The following KCNT1 variants were observed in gnomAD, a reference collection of about 807,000 sequenced individuals.
The protein encoded by KCNT1 is potassium channel subfamily T member 1.
In KCNT1, 78 loss-of-function variants were observed where a neutral mutation model predicts 147.8. The observed-to-expected ratio is 0.53, with a 90% CI of 0.44 to 0.64. KCNT1 has a LOEUF of 0.64. Ranked by LOEUF, KCNT1 falls within the 30% of genes least tolerant of loss-of-function variation. The probability of loss-of-function intolerance (pLI) is 0.00; values close to 1 mark genes in which losing one functional copy is unlikely to be tolerated. For missense variants in KCNT1, 1,419 were observed against 1,750.3 expected, an observed-to-expected ratio of 0.81 and a Z score of 3.38; for synonymous variants, 867 against 748.8, an observed-to-expected ratio of 1.16 and a Z score of -2.58.
At chr9:135,784,497 CCCTCCCT>C in intron 25 of KCNT1, 31 bp from the exon 26 acceptor site, 1 of 374,276 alleles carries the variant, frequency 2.7e-6, no homozygotes, top group Non-Finnish European at 4.9e-6. Flanking sequence ...CTCCCTCCCT[CCCTCCCT>C]CCCTCCCTCC....
chr9:135,762,490 G>A (rs1831983802), intron 11 of KCNT1, among the ~76,000 whole-genome samples: 1 of 152,192 alleles, frequency 6.6e-6, no homozygotes, highest in East Asian at 1.9e-4. Context: ...GGTCCTGCCT[G>A]TAATCCCAGC....
intron 11 of KCNT1, 149 bp downstream of exon 11, chr9:135,760,008 T>A (rs1219524844): frequency 2.9e-6 from 2 of 688,548 alleles, no homozygotes; most frequent in African/African-American, 3.7e-5. Context: ...CCTGCTCCGT[T>A]GCACGCCCCC....
intron 1 of KCNT1, among the ~76,000 whole-genome samples, chr9:135,707,114 T>C (rs556287791): frequency 2.2e-3 from 325 of 149,836 alleles, no homozygotes; most frequent in African/African-American, 7.4e-3. Context: ...GCAAGACCCC[T>C]GTCTCTACAA....
At chr9:135,706,342 T>C (rs550378645) in intron 1 of KCNT1, among the ~76,000 whole-genome samples, 30 of 152,356 alleles carry the variant, frequency 2.0e-4, no homozygotes, top group Admixed American at 8.5e-4. Context: ...CAAGATGGAT[T>C]CTTAAAAGTG....
chr9:135,741,202 G>T (rs747512310), intron 2 of KCNT1, among the ~76,000 whole-genome samples: 5 of 152,242 alleles, frequency 3.3e-5, no homozygotes, highest in Non-Finnish European at 7.3e-5. Context: ...GGGCAGAGTA[G>T]ATGGGAGGCC....
At chr9:135,751,107 T>A (rs568576151) in intron 4 of KCNT1, 66 bp downstream of exon 4, 2 of 1,440,696 alleles carry the variant, frequency 1.4e-6, no homozygotes, top group Non-Finnish European at 1.9e-6. Context: ...CACTGGGCCG[T>A]TACAGAAGCT....
At chr9:135,766,821 C>G (rs1485124424) in intron 13 of KCNT1, 1 of 152,248 alleles carries the variant, frequency 6.6e-6, no homozygotes, top group Non-Finnish European at 1.5e-5. Flanking sequence ...TGAGGGGCAG[C>G]CTTTTGCGAG....
Position 135,792,338 on chromosome 9 carries a change from C to T in KCNT1, c.*177C>T. On this transcript the variant is annotated 3_prime_UTR_variant, in exon 31 of 31. Transcript: ENST00000371757. ...CTCATGCGGGGGGAGGGCCAGCTCA[C>T]CCCTGGGCACCTGCAGGCTAGTGAG... 10 of 706,958 alleles carry T rather than the reference C, an allele frequency of 1.4e-5. No homozygotes were observed. The South Asian group carries it at 1.9e-4, about 14-fold the overall frequency. 43.8% of individuals were successfully genotyped at this position (706,958 alleles called of 1,614,324 possible).
intron 1 of KCNT1, among the ~76,000 whole-genome samples, chr9:135,705,783 G>A (rs1373878348): frequency 6.6e-6 from 1 of 152,206 alleles, no homozygotes; most frequent in Non-Finnish European, 1.5e-5. Flanking sequence ...CTAGCAGCTG[G>A]CAAGTGTAAC....
In KCNT1 at chr9:135,757,004, TC is replaced by T. The variant is rs56334445; in HGVS notation, c.600+77del. 70 of 802,158 alleles carry T rather than the reference TC, an allele frequency of 8.7e-5. 1 individual carries two copies. Among genetic ancestry groups the T allele is most frequent in the African/African-American group, 4.7e-4 (11 of 23,210 alleles). 49.7% of individuals were successfully genotyped at this position (802,158 alleles called of 1,614,324 possible). A position where few individuals can be genotyped will look rare whatever the true frequency, so the allele number is the denominator to read the frequency against. On this transcript the variant is annotated intron_variant, in intron 7 of 30. Transcript: ENST00000371757. The stretch of plus-strand genomic sequence containing the variant: ...CCCACCCTCCCCAGCCTCCCCCACC[TC>T]CCCCACCCTCTCCTATTTCCCCACA...
At chr9:135,745,042 C>T (rs1026596098) in intron 2 of KCNT1, among the ~76,000 whole-genome samples, 1 of 152,330 alleles carries the variant, frequency 6.6e-6, no homozygotes, top group African/African-American at 2.4e-5. Context: ...GACCCGTGGC[C>T]GGGGATCCGG....
Position 135,792,393 on chromosome 9 carries a change from G to A in KCNT1, c.*232G>A, listed in dbSNP as rs1047908603. The A allele has an allele frequency of 6.8e-5, 32 of 471,948 alleles. No homozygotes were observed. Among genetic ancestry groups the A allele is most frequent in the African/African-American group, 3.9e-4 (20 of 50,702 alleles). The allele number at this position is 471,948 out of a possible 1,614,324, so 29.2% of individuals were successfully genotyped here. On this transcript the variant is annotated 3_prime_UTR_variant, in exon 31 of 31. Transcript: ENST00000371757. ...GTTTTTTAACCTATTTTTACACGTC[G>A]ATGCAGTCCACTTCTCTTTACACAG...
At chr9:135,734,239 G>A (rs1830242089) in intron 2 of KCNT1, among the ~76,000 whole-genome samples, 1 of 152,166 alleles carries the variant, frequency 6.6e-6, no homozygotes, top group Non-Finnish European at 1.5e-5. Context: ...AAGTGCTGGG[G>A]ACACCTCAAG....
intron 2 of KCNT1, among the ~76,000 whole-genome samples, chr9:135,720,233 A>G (rs1041992114): frequency 6.6e-6 from 1 of 151,820 alleles, no homozygotes; most frequent in Non-Finnish European, 1.5e-5. Context: ...CCCCGCAGGG[A>G]CAGGGTAGCT....
chr9:135,787,887 C>T (rs1834192170), intron 29 of KCNT1, among the ~76,000 whole-genome samples: 1 of 152,184 alleles, frequency 6.6e-6, no homozygotes. Flanking sequence ...CTGGCCACCC[C>T]CAGAGCTGGT....
At chr9:135,761,134 C>G (rs1035999507) in intron 11 of KCNT1, among the ~76,000 whole-genome samples, 20 of 152,326 alleles carry the variant, frequency 1.3e-4, no homozygotes, top group African/African-American at 4.8e-4. Flanking sequence ...CCAGAAATAG[C>G]TGGGATTACA....
chr9:135,781,601 A>G, intron 24 of KCNT1, among the ~76,000 whole-genome samples: 1 of 151,800 alleles, frequency 6.6e-6, no homozygotes, highest in African/African-American at 2.4e-5. Context: ...AAAAATGTAC[A>G]TGTTTAGTAT....
chr9:135,778,376 G>A (rs771999000), intron 21 of KCNT1, 48 bp from the exon 22 acceptor site: 13 of 1,512,022 alleles, frequency 8.6e-6, no homozygotes, highest in South Asian at 2.4e-5. Context: ...CCTGAGGAGG[G>A]CAGGCCTTGA....
In KCNT1 at chr9:135,756,915, A is replaced by T. The variant is rs1341717090; in HGVS notation, c.583A>T (p.Ile195Phe). The change falls in exon 7 of 31, where the codon ATC (isoleucine) becomes TTC (phenylalanine). Residue 195 changes from isoleucine (I) to phenylalanine (F), a missense_variant. Transcript: ENST00000371757. ...AAGCTTCCTGGAGACGATGCTTCTC[A>T]TCTACCTCAGCTACAAAGTGAGTGC... ...IISFLETMLLIYLSYKGNIWE... is the reference protein window; with the variant it reads ...IISFLETMLLFYLSYKGNIWE... The T allele has an allele frequency of 6.2e-7, 1 of 1,612,646 alleles. No individual in the cohort carries two copies. The highest frequency in any genetic ancestry group is 1.3e-5 in the African/African-American group (1 of 74,658).
Sources: allele counts gnomAD v4.1 joint callset (sites outside exome capture counted in the v4.1 genomes callset), GRCh38; gene constraint gnomAD v4.1.1; transcripts MANE v1.5; gene names NCBI Gene and HGNC (gene_info 2026-07-23, HGNC 2026-07-21).